Variants in VPS13D observed in about 807,000 individuals in gnomAD.
VPS13D encodes the protein vacuolar protein sorting 13 homolog D.
VPS13D carries 187 observed loss-of-function variants against 461.9 expected under a neutral mutation model. The ratio of observed to expected loss-of-function variants is 0.40; its 90% confidence interval spans 0.36 to 0.46. VPS13D has a LOEUF of 0.46. Among genes scored for constraint, VPS13D ranks in the 20% least tolerant of loss-of-function variants. VPS13D has a pLI of 0.60. For missense variants in VPS13D, 4,711 were observed against 5,364.9 expected, an observed-to-expected ratio of 0.88 and a Z score of 3.81; for synonymous variants, 1,951 against 1,986.3, an observed-to-expected ratio of 0.98 and a Z score of 0.47.
chr1:12,253,038 A>T (rs1238919456), intron 6 of VPS13D, among the ~76,000 whole-genome samples: 1 of 147,244 alleles, frequency 6.8e-6, no homozygotes, highest in Non-Finnish European at 1.5e-5. Flanking sequence ...CATGCCTGTA[A>T]TCCCAGCTAT....
chr1:12,502,086 G>A lies in VPS13D; in HGVS notation c.12794+4455G>A, dbSNP rs1266523433. Among the ~76,000 whole-genome samples, 1 of 152,166 alleles carries A rather than the reference G, an allele frequency of 6.6e-6. No homozygotes were observed. Among genetic ancestry groups the A allele is most frequent in the Non-Finnish European group, 1.5e-5 (1 of 68,022 alleles). ...CCTTAGTGGTCATGCCGAGGAGCTTGCCTCTCCTGTAGGTGGGAGTGAGAT... is the reference window on the plus strand; with the variant it reads ...CCTTAGTGGTCATGCCGAGGAGCTTACCTCTCCTGTAGGTGGGAGTGAGAT... On this transcript the variant is annotated intron_variant, in intron 68 of 69. Transcript: ENST00000620676. This position sits in a 1 kb window ranked among gnomAD's most constrained non-coding sequence, Gnocchi z 4.3.
At chr1:12,314,378 TG>T (rs770103072) in intron 30 of VPS13D, 51 bp downstream of exon 30, 1 of 1,571,534 alleles carries the variant, frequency 6.4e-7, no homozygotes, top group South Asian at 1.1e-5. Flanking sequence ...CATTCCCTTT[TG>T]GGTCACGTCT....
intron 65 of VPS13D, among the ~76,000 whole-genome samples, chr1:12,444,119 G>T (rs969342493): frequency 2.6e-5 from 4 of 152,230 alleles, no homozygotes; most frequent in African/African-American, 9.6e-5. Context: ...GGGATTACAG[G>T]TGTGAGCCAC....
rs1248086897 is a variant in VPS13D at position 12,258,280 on chromosome 1, TCTG to T, written c.1110+182_1110+184del. On this transcript the variant is annotated intron_variant, in intron 10 of 69. Transcript: ENST00000620676. ...ACTAAGCCAGGAGCATCCTCCACCT[TCTG>T]CTGCCCGAGGAGAGCCGGGCCATGG... is the stretch of plus-strand genomic sequence containing the variant. 5.3e-5 allele frequency among the ~76,000 whole-genome samples: 8 copies of T among 152,252 alleles called. No homozygotes were observed. The East Asian group carries it at 1.5e-3, about 29-fold the overall frequency.
intron 20 of VPS13D, among the ~76,000 whole-genome samples, chr1:12,280,615 G>C (rs1337742319): frequency 6.6e-6 from 1 of 151,158 alleles, no homozygotes; most frequent in Non-Finnish European, 1.5e-5. Context: ...TCAGCCTCCT[G>C]GGTAGCTGTG....
At chr1:12,287,685 C>T (rs536998396) in intron 21 of VPS13D, among the ~76,000 whole-genome samples, 12 of 152,244 alleles carry the variant, frequency 7.9e-5, no homozygotes, top group African/African-American at 2.6e-4. Flanking sequence ...ACAAAGAATG[C>T]TACTTCCAAG....
chr1:12,441,771 C>T (rs1275453360), intron 65 of VPS13D, among the ~76,000 whole-genome samples: 2 of 152,148 alleles, frequency 1.3e-5, no homozygotes, highest in African/African-American at 2.4e-5. Flanking sequence ...TCTGTTTAAG[C>T]GATAGCAGTC....
At chr1:12,318,471 G>A in intron 31 of VPS13D, 134 bp downstream of exon 31, 12 of 1,157,948 alleles carry the variant, frequency 1.0e-5, no homozygotes, top group Middle Eastern at 4.2e-4. Context: ...TTACAGACCT[G>A]CAAGCATCAG....
At position 12,258,119 on chromosome 1, in the gene VPS13D, T is replaced by G. The variant is rs776945267; in HGVS notation, c.1110+16T>G. On this transcript the variant is annotated intron_variant, in intron 10 of 69. Transcript: ENST00000620676. ...AGATGACAAGGTAAGTGGACTGTGG[T>G]CTTGTGTTTCTTGTCTTATTCAGAA... 5.0e-6 allele frequency: 8 copies of G among 1,612,578 alleles called. No homozygotes were observed. Among genetic ancestry groups the G allele is most frequent in the Non-Finnish European group, 6.8e-6 (8 of 1,178,664 alleles).
intron 60 of VPS13D, among the ~76,000 whole-genome samples, chr1:12,399,858 A>G (rs1644550977): frequency 6.6e-6 from 1 of 152,126 alleles, no homozygotes; most frequent in East Asian, 1.9e-4. Flanking sequence ...CGTGTACAAC[A>G]TGATGTTTGG....
At chr1:12,273,448 G>C (rs1208369149) in intron 18 of VPS13D, among the ~76,000 whole-genome samples, 1 of 152,130 alleles carries the variant, frequency 6.6e-6, no homozygotes, top group Non-Finnish European at 1.5e-5. Context: ...GTATAGTGCG[G>C]TTGTTTTTGG....
chr1:12,278,171 A>G (rs1641671652), intron 19 of VPS13D, 133 bp downstream of exon 19: 3 of 988,872 alleles, frequency 3.0e-6, no homozygotes, highest in African/African-American at 1.6e-5. Context: ...TAAGAAATCA[A>G]AGAGTTTTAA....
At chr1:12,243,602 G>A (rs530182821) in intron 3 of VPS13D, among the ~76,000 whole-genome samples, 26 of 152,144 alleles carry the variant, frequency 1.7e-4, no homozygotes, top group African/African-American at 6.3e-4. Context: ...GACCAGCCTG[G>A]GCAACACTGC....
chr1:12,249,403 C>G, intron 6 of VPS13D, 64 bp downstream of exon 6: 1 of 1,356,568 alleles, frequency 7.4e-7, no homozygotes, highest in Non-Finnish European at 1.0e-6. Flanking sequence ...GGGGCTCTGC[C>G]TTTTGCCATT....
intron 46 of VPS13D, 86 bp downstream of exon 46, chr1:12,349,460 C>T: frequency 1.6e-6 from 2 of 1,221,982 alleles, no homozygotes; most frequent in Non-Finnish European, 2.3e-6. Flanking sequence ...TCTAAAGACC[C>T]TTAGAGATTC....
chr1:12,382,024 C>T (rs1339069952), intron 57 of VPS13D, among the ~76,000 whole-genome samples: 4 of 142,154 alleles, frequency 2.8e-5, no homozygotes, highest in Admixed American at 1.5e-4. Context: ...TTCCTTCCTT[C>T]CTTTCTTTCT....
intron 25 of VPS13D, among the ~76,000 whole-genome samples, chr1:12,303,790 TGAA>T (rs1213080162): frequency 6.6e-6 from 1 of 152,202 alleles, no homozygotes; most frequent in Non-Finnish European, 1.5e-5. Flanking sequence ...GAGGCCTCCA[TGAA>T]GAAGCCCTGG....
intron 67 of VPS13D, among the ~76,000 whole-genome samples, chr1:12,485,147 A>T (rs140702334): frequency 1.1e-3 from 166 of 152,372 alleles, no homozygotes; most frequent in African/African-American, 3.9e-3. Context: ...AGTCATTTAA[A>T]TGTATGGGGA....
At position 12,266,882 on chromosome 1, in the gene VPS13D, T is replaced by C. The variant is rs760579820; in HGVS notation, c.1596T>C (p.Asp532=). 4 of 1,580,858 alleles carry C rather than the reference T, an allele frequency of 2.5e-6. No individual in the cohort carries two copies. The change falls in exon 14 of 70, where the codon GAT becomes GAC. Residue 532 remains aspartate, a splice_region_variant and synonymous_variant. Coordinates refer to ENST00000620676, the MANE Select transcript of VPS13D (RefSeq NM_015378.4). Reference sequence around the variant, plus strand: ...AACTATTTTATTTATCTTTTATAGATGTAAAACTTCTAGCAGAGTCTCTTC... The same window carrying C: ...AACTATTTTATTTATCTTTTATAGACGTAAAACTTCTAGCAGAGTCTCTTC... ...ESAFMQLEFS[D]VKLLAESLPR...
Sources: allele counts gnomAD v4.1 joint callset (sites outside exome capture counted in the v4.1 genomes callset), GRCh38; gene constraint gnomAD v4.1.1; non-coding constraint Gnocchi (gnomAD v3.1); transcripts MANE v1.5; gene names NCBI Gene and HGNC (gene_info 2026-07-23, HGNC 2026-07-21).